CSMD1: variants seen among roughly 807,000 people sequenced by gnomAD.
CSMD1 encodes the protein CUB and sushi domain-containing protein 1.
In CSMD1, 213 loss-of-function variants were observed where a neutral mutation model predicts 417.5. The observed-to-expected ratio is 0.51, with a 90% confidence interval of 0.46 to 0.57. CSMD1 has a LOEUF of 0.57. Among genes scored for constraint, CSMD1 ranks in the 20% least tolerant of loss-of-function variants. CSMD1 has a pLI of 0.00. For synonymous variants in CSMD1, 2,862 were observed against 1,736.8 expected, an observed-to-expected ratio of 1.65 and a Z score of -16.11; for missense variants, 6,923 against 4,529.7, an observed-to-expected ratio of 1.53 and a Z score of -15.17.
Position 4,880,820 on chromosome 8 carries a change from T to C in CSMD1, c.85+113512A>G, listed in dbSNP as rs188538952. The stretch of plus-strand genomic sequence containing the variant: ...TGCACTCAGAAAAAGTTTTCACTTT[T>C]GTTGTCATTCTTGTCATGAAAGGTC... On this transcript the variant is annotated intron_variant, in intron 1 of 69. Transcript: ENST00000635120. 1.2e-3 allele frequency among the ~76,000 whole-genome samples: 188 copies of C among 152,258 alleles called. 2 individuals carry two copies. The highest frequency in any genetic ancestry group is 7.5e-3 in the Admixed American group (114 of 15,298).
At chr8:4,264,466 C>T (rs186056594) in intron 3 of CSMD1, among the ~76,000 whole-genome samples, 52 of 152,254 alleles carry the variant, frequency 3.4e-4, no homozygotes, top group African/African-American at 1.2e-3. Flanking sequence ...ATTTGCAGAT[C>T]ACAATTCTCT....
chr8:4,497,055 C>G (rs533209665), intron 2 of CSMD1, among the ~76,000 whole-genome samples: 1 of 152,278 alleles, frequency 6.6e-6, no homozygotes, highest in South Asian at 2.1e-4. Context: ...TCTCTTTCTC[C>G]TGCTTCTGTG....
chr8:4,031,912 A>C lies in CSMD1; in HGVS notation c.603T>G (p.Phe201Leu), dbSNP rs1321451439. The C allele has an allele frequency of 1.9e-6, 3 of 1,612,940 alleles. No individual in the cohort carries two copies. Among genetic ancestry groups the C allele is most frequent in the Non-Finnish European group, 2.5e-6 (3 of 1,179,432 alleles). The change falls in exon 4 of 70, where the codon TTT (phenylalanine) becomes TTG (leucine). Residue 201 changes from phenylalanine to leucine, a missense_variant. Transcript: ENST00000635120. ...NGASWDFPAPFCRAEGACGGT... is the reference protein window; with the variant it reads ...NGASWDFPAPLCRAEGACGGT... The stretch of plus-strand genomic sequence containing the variant: ...CCCCTTGTAGCACTGTACCTCTGCA[A>C]AAGGGAGCTGGGAAGTCCCACGATG...
At chr8:3,184,770 T>C (rs1407457444) in intron 36 of CSMD1, among the ~76,000 whole-genome samples, 1 of 152,198 alleles carries the variant, frequency 6.6e-6, no homozygotes, top group East Asian at 1.9e-4. Flanking sequence ...TGCCTCAGGA[T>C]AGCCAATAGT....
chr8:4,396,929 G>A (rs77781766), intron 3 of CSMD1, among the ~76,000 whole-genome samples: 1 of 151,816 alleles, frequency 6.6e-6, no homozygotes, highest in Non-Finnish European at 1.5e-5. Context: ...TTGGGTACAA[G>A]GTACACTGCC....
At chr8:3,355,091 A>C (rs752577954) in intron 21 of CSMD1, among the ~76,000 whole-genome samples, 10 of 152,046 alleles carry the variant, frequency 6.6e-5, no homozygotes, top group Non-Finnish European at 1.5e-4. Flanking sequence ...AAGGGTGTTG[A>C]TATTTTTTCG....
At chr8:2,989,395 G>A (rs1038241827) in intron 54 of CSMD1, among the ~76,000 whole-genome samples, 1 of 152,154 alleles carries the variant, frequency 6.6e-6, no homozygotes, top group Non-Finnish European at 1.5e-5. Flanking sequence ...ACTAAAGCAG[G>A]CAGACAGCTA....
At chr8:3,265,554 T>G (rs1485355338) in intron 26 of CSMD1, among the ~76,000 whole-genome samples, 1 of 152,102 alleles carries the variant, frequency 6.6e-6, no homozygotes, top group African/African-American at 2.4e-5. Context: ...CACACTCCTG[T>G]TACCTGGGAA....
At chr8:3,944,873 C>G (rs1311906952) in intron 5 of CSMD1, among the ~76,000 whole-genome samples, 1 of 152,106 alleles carries the variant, frequency 6.6e-6, no homozygotes, top group Non-Finnish European at 1.5e-5. Context: ...ACAGTTGATT[C>G]TGGGTTGTGT....
chr8:4,189,923 AT>A lies in CSMD1; in HGVS notation c.416-157825del, dbSNP rs147010795. ...ATTGAAAATCTGTACTCTTTTGCAT[AT>A]TTTTTTTTTCTAAAAAGCAGAGAGC... On this transcript the variant is annotated intron_variant, in intron 3 of 69. Coordinates refer to ENST00000635120, the MANE Select transcript of CSMD1 (RefSeq NM_033225.6). Among the ~76,000 whole-genome samples, 215 of 150,022 alleles carry A rather than the reference AT, an allele frequency of 1.4e-3. 1 individual carries two copies. Among genetic ancestry groups the A allele is most frequent in the African/African-American group, 4.5e-3 (185 of 40,978 alleles).
intron 1 of CSMD1, among the ~76,000 whole-genome samples, chr8:4,898,039 T>G (rs1030937405): frequency 3.9e-5 from 6 of 152,132 alleles, no homozygotes; most frequent in Non-Finnish European, 5.9e-5. Flanking sequence ...AACAAGAAAA[T>G]TAAAGAAAAT....
chr8:3,981,722 G>C (rs927472709), intron 5 of CSMD1, among the ~76,000 whole-genome samples: 5 of 152,010 alleles, frequency 3.3e-5, no homozygotes, highest in African/African-American at 9.7e-5. Context: ...GATTTCTTCA[G>C]TCCTACATTT....
chr8:3,451,612 G>C (rs2040975212), intron 12 of CSMD1, among the ~76,000 whole-genome samples: 1 of 152,164 alleles, frequency 6.6e-6, no homozygotes, highest in Admixed American at 6.5e-5. Context: ...GTTTGTCAAA[G>C]AGCAGATACT....
rs572351740 is a variant in CSMD1, at chr8:3,587,190, G to A, written c.1098-930C>T. ...TGCATTTGCAAACATGGAGCTTTAC[G>A]GTTGTAAACATTAACAAGACACTGT... On this transcript the variant is annotated intron_variant, in intron 8 of 69. Transcript: ENST00000635120. Among the ~76,000 whole-genome samples, 6 of 152,328 alleles carry A rather than the reference G, an allele frequency of 3.9e-5. No individual in the cohort carries two copies. In the South Asian group the frequency reaches 8.3e-4, roughly 21 times the overall value.
chr8:3,366,114 G>T (rs1290623342), intron 20 of CSMD1, among the ~76,000 whole-genome samples: 1 of 152,184 alleles, frequency 6.6e-6, no homozygotes, highest in Non-Finnish European at 1.5e-5. Flanking sequence ...AATTACATTT[G>T]ATCTGGGCTA....
At chr8:4,188,101 G>A (rs986675774) in intron 3 of CSMD1, among the ~76,000 whole-genome samples, 11 of 152,046 alleles carry the variant, frequency 7.2e-5, no homozygotes, top group Admixed American at 2.0e-4. Flanking sequence ...CAGGATGCAC[G>A]ACATGTAATT....
intron 1 of CSMD1, among the ~76,000 whole-genome samples, chr8:4,660,360 T>C (rs1184206366): frequency 1.3e-5 from 2 of 151,740 alleles, no homozygotes; most frequent in African/African-American, 4.9e-5. Context: ...ATACAGGATG[T>C]GTTTGCTGAA....
At chr8:3,820,120 CA>C (rs1801643691) in intron 5 of CSMD1, among the ~76,000 whole-genome samples, 1 of 152,170 alleles carries the variant, frequency 6.6e-6, no homozygotes, top group Non-Finnish European at 1.5e-5. Flanking sequence ...TGCTTGAATG[CA>C]GTATGATCTT....
At chr8:3,756,641 G>C (rs745520280) in intron 5 of CSMD1, among the ~76,000 whole-genome samples, 6 of 152,098 alleles carry the variant, frequency 3.9e-5, no homozygotes, top group East Asian at 1.9e-4. Context: ...GGTGATAGAA[G>C]ACTATGAATA....
Sources: gnomAD v4.1 joint callset for allele counts (sites outside exome capture counted in the v4.1 genomes callset) on GRCh38, gnomAD v4.1.1 for gene constraint, MANE v1.5 for transcripts, NCBI Gene and HGNC (gene_info 2026-07-23, HGNC 2026-07-21) for gene names.